AJAP1: variants seen among roughly 807,000 people sequenced by gnomAD.
AJAP1 encodes the protein adherens junction-associated protein 1.
Under a neutral mutation model 35.0 loss-of-function variants are expected in AJAP1, and 5 were observed. The observed-to-expected ratio is 0.14, with a 90% confidence interval of 0.07 to 0.30. AJAP1 has a LOEUF of 0.30. Among genes scored for constraint, AJAP1 ranks in the 10% least tolerant of loss-of-function variants. AJAP1 has a pLI of 1.00. For missense variants in AJAP1, 586 were observed against 571.0 expected (o/e 1.03, Z -0.27); for synonymous variants, 284 against 249.3 (o/e 1.14, Z -1.31).
Position 4,780,908 on chromosome 1 carries a change from G to A in AJAP1, c.*60-1637G>A, listed in dbSNP as rs74338215. 5.9e-3 allele frequency among the ~76,000 whole-genome samples: 898 copies of A among 152,178 alleles called. 59 individuals are homozygous for A. In the East Asian group the frequency reaches 0.14, roughly 24 times the overall value. On this transcript the variant is annotated intron_variant, in intron 5 of 5. Transcript: ENST00000378191. The stretch of plus-strand genomic sequence containing the variant: ...GCTGGTCTTCCCACAGTAGCTGAGC[G>A]GACACTCCACTGTAGCCTCATGGAG...
chr1:4,717,987 T>C (rs1213040128), intron 2 of AJAP1, among the ~76,000 whole-genome samples: 2 of 152,204 alleles, frequency 1.3e-5, no homozygotes, highest in African/African-American at 4.8e-5. Context: ...TTTTGAGTGG[T>C]TTAATTGGGA....
chr1:4,766,039 C>T (rs1027538467), intron 2 of AJAP1, among the ~76,000 whole-genome samples: 1 of 152,184 alleles, frequency 6.6e-6, no homozygotes, highest in Admixed American at 6.5e-5. Context: ...ACCGATCATC[C>T]AAAACTAAGA....
In AJAP1 at chr1:4,792,470, T is replaced by C. The variant is rs1451888982; in HGVS notation, c.*9985T>C. On this transcript the variant is annotated 3_prime_UTR_variant, in exon 6 of 6. Coordinates refer to ENST00000378191, the MANE Select transcript of AJAP1 (RefSeq NM_018836.4). ...AATGAAACACCTATATTAACTTTCCTGTGTATATTTAGTACTCTGATGTTG... is the reference window on the plus strand; with the variant it reads ...AATGAAACACCTATATTAACTTTCCCGTGTATATTTAGTACTCTGATGTTG... 3.4e-5 allele frequency: 5 copies of C among 148,270 alleles called. No homozygotes were observed. Among genetic ancestry groups the C allele is most frequent in the Non-Finnish European group, 7.4e-5 (5 of 67,504 alleles). 9.2% of individuals were successfully genotyped at this position (148,270 alleles called of 1,614,324 possible).
At chr1:4,760,278 AGT>A (rs1002599948) in intron 2 of AJAP1, among the ~76,000 whole-genome samples, 2 of 149,908 alleles carry the variant, frequency 1.3e-5, no homozygotes, top group Admixed American at 6.6e-5. Flanking sequence ...TGTATGTGTG[AGT>A]GTGTGTGTGC....
chr1:4,743,199 C>A (rs1286899137), intron 2 of AJAP1, among the ~76,000 whole-genome samples: 2 of 152,172 alleles, frequency 1.3e-5, no homozygotes, highest in African/African-American at 4.8e-5. Context: ...TGGGGCCCCA[C>A]AGAGTGATTT....
intron 1 of AJAP1, among the ~76,000 whole-genome samples, chr1:4,679,528 T>C (rs149554623): frequency 2.0e-5 from 3 of 152,304 alleles, no homozygotes; most frequent in South Asian, 2.1e-4. Context: ...CTTAAAATGA[T>C]AGAAATATAT....
In AJAP1 at chr1:4,734,950, A is replaced by G. The variant is rs1640883008; in HGVS notation, c.829+22251A>G. Among the ~76,000 whole-genome samples, 1 of 152,214 alleles carries G rather than the reference A, an allele frequency of 6.6e-6. No individual in the cohort carries two copies. Among genetic ancestry groups the G allele is most frequent in the Non-Finnish European group, 1.5e-5 (1 of 68,036 alleles). On this transcript the variant is annotated intron_variant, in intron 2 of 5. Coordinates refer to ENST00000378191, the MANE Select transcript of AJAP1 (RefSeq NM_018836.4). The surrounding 1 kb of genome is among the most constrained non-coding windows in gnomAD (Gnocchi z 4.3). Reference sequence around the variant, plus strand: ...ATGTTGTTTCTCGACTCCTCCGTCCATCGCCTGCAAGCTGAGCCGCGTGAT... The same window carrying G: ...ATGTTGTTTCTCGACTCCTCCGTCCGTCGCCTGCAAGCTGAGCCGCGTGAT...
At chr1:4,668,207 C>G (rs1570090598) in intron 1 of AJAP1, among the ~76,000 whole-genome samples, 1 of 42,986 alleles carries the variant, frequency 2.3e-5, no homozygotes, top group Admixed American at 3.9e-4. Context: ...GAGTGAAACT[C>G]TATCTCAAAA....
In AJAP1 at chr1:4,711,892, C is replaced by G. The variant is rs200234894; in HGVS notation, c.30-8C>G. 4.4e-4 allele frequency: 655 copies of G among 1,474,884 alleles called. 5 individuals are homozygous for G. The East Asian group carries it at 0.012, about 28-fold the overall frequency. The allele number at this position is 1,474,884 out of a possible 1,614,324, so 91.4% of individuals were successfully genotyped here. A position where few individuals can be genotyped will look rare whatever the true frequency, so the allele number is the denominator to read the frequency against. On this transcript the variant is annotated splice_polypyrimidine_tract_variant and splice_region_variant and intron_variant, in intron 1 of 5. Coordinates refer to ENST00000378191, the MANE Select transcript of AJAP1 (RefSeq NM_018836.4). ...TGACCGCTCTTCTCTCCTTTCCCCC[C>G]CGCACAGCTCCATGTCCATCCGCTG...
rs1249602788 is a variant in AJAP1, at chr1:4,783,661, AGCTG to A, written c.*1178_*1181del. ...CTAACAGCCACGTTCACATTTACGT[AGCTG>A]GTTGCTTACAAACGGGCCTGAGCCC... is the stretch of plus-strand genomic sequence containing the variant. On this transcript the variant is annotated 3_prime_UTR_variant, in exon 6 of 6. Transcript: ENST00000378191. 5 of 150,964 alleles carry A rather than the reference AGCTG, an allele frequency of 3.3e-5. No individual in the cohort carries two copies. The East Asian group carries it at 9.7e-4, about 29-fold the overall frequency. The allele number at this position is 150,964 out of a possible 1,614,324, so 9.4% of individuals were successfully genotyped here.
intron 2 of AJAP1, among the ~76,000 whole-genome samples, chr1:4,713,031 C>T (rs1407353091): frequency 1.3e-5 from 2 of 152,176 alleles, no homozygotes; most frequent in Non-Finnish European, 2.9e-5. Context: ...CACAGCCACG[C>T]CTTCCAGAAT....
chr1:4,713,828 C>A (rs1161397694), intron 2 of AJAP1, among the ~76,000 whole-genome samples: 1 of 152,262 alleles, frequency 6.6e-6, no homozygotes, highest in Non-Finnish European at 1.5e-5. Context: ...TCACAGCTTG[C>A]TTTCCACAAC....
At chr1:4,709,579 A>T (rs1640179950) in intron 1 of AJAP1, among the ~76,000 whole-genome samples, 1 of 152,150 alleles carries the variant, frequency 6.6e-6, no homozygotes, top group African/African-American at 2.4e-5. Context: ...AGGTCATGGG[A>T]GAATTAGAGA....
At chr1:4,671,391 C>T (rs1032880507) in intron 1 of AJAP1, among the ~76,000 whole-genome samples, 1 of 141,756 alleles carries the variant, frequency 7.1e-6, no homozygotes, top group African/African-American at 2.5e-5. Context: ...AAAAGAATGG[C>T]AGCTGATTGT....
At chr1:4,685,827 T>C (rs1639592274) in intron 1 of AJAP1, among the ~76,000 whole-genome samples, 3 of 152,128 alleles carry the variant, frequency 2.0e-5, no homozygotes, top group Admixed American at 1.3e-4. Flanking sequence ...TCTGCCTCCT[T>C]GGTGGGGTCA....
At chr1:4,763,582 T>C (rs1037783856) in intron 2 of AJAP1, among the ~76,000 whole-genome samples, 4 of 152,118 alleles carry the variant, frequency 2.6e-5, no homozygotes, top group Admixed American at 1.3e-4. Context: ...CTGGAAGAGA[T>C]TGGCACGTGA....
Position 4,692,511 on chromosome 1 carries a change from C to T in AJAP1, c.30-19389C>T, listed in dbSNP as rs1457193327. Among the ~76,000 whole-genome samples, 1 of 152,204 alleles carries T rather than the reference C, an allele frequency of 6.6e-6. No homozygotes were observed. The highest frequency in any genetic ancestry group is 1.9e-4 in the East Asian group (1 of 5,194). On this transcript the variant is annotated intron_variant, in intron 1 of 5. Coordinates refer to ENST00000378191, the MANE Select transcript of AJAP1 (RefSeq NM_018836.4). This position sits in a 1 kb window ranked among gnomAD's most constrained non-coding sequence, Gnocchi z 4.4. ...CCCCAAATTCCCCACCCCAGGCATC[C>T]GGGAGGAACTTCCTGGGAAAAGAGA...
rs113299002 is a variant in AJAP1 at position 4,739,075 on chromosome 1, C to T, written c.829+26376C>T. ...GGGAGATTGCATTTTCCATGGGCAC[C>T]GGAATTCTTGGTGAGACTCCTGGTA... On this transcript the variant is annotated intron_variant, in intron 2 of 5. Transcript: ENST00000378191. Among the ~76,000 whole-genome samples, 855 of 152,130 alleles carry T rather than the reference C, an allele frequency of 5.6e-3. 6 individuals carry two copies. Among genetic ancestry groups the T allele is most frequent in the African/African-American group, 0.019 (800 of 41,480 alleles).
At chr1:4,755,322 C>A (rs1481695567) in intron 2 of AJAP1, among the ~76,000 whole-genome samples, 1 of 152,122 alleles carries the variant, frequency 6.6e-6, no homozygotes, top group African/African-American at 2.4e-5. Context: ...TCACATGTCC[C>A]CCTCCTCTCT....
Sources: gnomAD v4.1 joint callset for allele counts (sites outside exome capture counted in the v4.1 genomes callset) on GRCh38, gnomAD v4.1.1 for gene constraint, Gnocchi (gnomAD v3.1) non-coding constraint, MANE v1.5 for transcripts, NCBI Gene and HGNC (gene_info 2026-07-23, HGNC 2026-07-21) for gene names.